The following SAP30BP variants were observed in gnomAD, a reference collection of about 807,000 sequenced individuals.
SAP30BP encodes SAP30-binding protein.
A neutral mutation model predicts 46.3 loss-of-function variants in SAP30BP; 31 were observed. That is an observed-to-expected ratio of 0.67 (90% CI 0.50 to 0.90). SAP30BP has a LOEUF of 0.90. Among genes scored for constraint, SAP30BP ranks in the 40% least tolerant of loss-of-function variants. The probability of loss-of-function intolerance (pLI) is 0.00; values close to 1 mark genes in which losing one functional copy is unlikely to be tolerated. For synonymous variants in SAP30BP, 169 were observed against 144.2 expected (o/e 1.17, Z -1.23); for missense variants, 312 against 391.0 (o/e 0.80, Z 1.70).
At chr17:75,700,228 C>A in intron 5 of SAP30BP, 1 of 166,592 alleles carries the variant, frequency 6.0e-6, no homozygotes, top group Non-Finnish European at 1.3e-5. Flanking sequence ...GAGGAACCCT[C>A]AGAATGTAAA....
intron 3 of SAP30BP, among the ~76,000 whole-genome samples, chr17:75,675,686 G>A (rs999450550): frequency 5.9e-5 from 9 of 152,120 alleles, no homozygotes; most frequent in Non-Finnish European, 1.0e-4. Flanking sequence ...AGGCCGAGGT[G>A]GGCAGATTGG....
chr17:75,676,589 T>G (rs1367177696), intron 3 of SAP30BP, among the ~76,000 whole-genome samples: 1 of 152,212 alleles, frequency 6.6e-6, no homozygotes, highest in Non-Finnish European at 1.5e-5. Context: ...GATAACTAGT[T>G]TGTCATTATT....
At chr17:75,687,939 TGTGTGTGTGTGTGTGTGAGAGA>T (rs1374276341) in intron 3 of SAP30BP, among the ~76,000 whole-genome samples, 1 of 96,404 alleles carries the variant, frequency 1.0e-5, no homozygotes, top group East Asian at 3.4e-4. Context: ...TGTGTGTGTG[TGTGTGTGTGTGTGTGTGAGAGA>T]GACAGAGAGA....
intron 3 of SAP30BP, among the ~76,000 whole-genome samples, chr17:75,674,353 G>C (rs1164244234): frequency 2.6e-5 from 4 of 152,052 alleles, no homozygotes; most frequent in Non-Finnish European, 5.9e-5. Flanking sequence ...GGAGTGCAGT[G>C]CTGTGATCTC....
chr17:75,699,860 A>AAT lies in SAP30BP; in HGVS notation c.386_387dup (p.His130IlefsTer15). ...GCCAGAACCCCCTGGCAGATGTTCAAATCACTTGCAAGTAAGCATGAGACT... is the reference window on the plus strand; with the variant it reads ...GCCAGAACCCCCTGGCAGATGTTCAAATATCACTTGCAAGTAAGCATGAGACT... On this transcript the variant is annotated frameshift_variant, in exon 5 of 11. Transcript: ENST00000584667. LOFTEE classifies it high-confidence loss of function. 6.2e-7 allele frequency: 1 copy of AAT among 1,612,154 alleles called. No homozygotes were observed. The highest frequency in any genetic ancestry group is 8.5e-7 in the Non-Finnish European group (1 of 1,178,290).
chr17:75,699,633 C>G (rs1043013554), intron 4 of SAP30BP, 150 bp from the exon 5 acceptor site: 1 of 537,680 alleles, frequency 1.9e-6, no homozygotes, highest in South Asian at 2.4e-5. Flanking sequence ...CAGATGACAC[C>G]TCAGAGAGGC....
chr17:75,698,013 C>T (rs1568319360), intron 4 of SAP30BP, among the ~76,000 whole-genome samples: 1 of 152,224 alleles, frequency 6.6e-6, no homozygotes, highest in Non-Finnish European at 1.5e-5. Context: ...TTCTCTTCAT[C>T]CTGCCCCACC....
intron 4 of SAP30BP, among the ~76,000 whole-genome samples, chr17:75,694,409 G>T (rs956261575): frequency 1.3e-5 from 2 of 152,250 alleles, no homozygotes; most frequent in African/African-American, 4.8e-5. Flanking sequence ...GAAGGATTGG[G>T]TGGGAACACG....
chr17:75,694,083 C>T (rs1599148756), intron 4 of SAP30BP, among the ~76,000 whole-genome samples: 1 of 152,190 alleles, frequency 6.6e-6, no homozygotes, highest in East Asian at 1.9e-4. Context: ...GGGGGCAGTT[C>T]CCGGCATCTG....
intron 3 of SAP30BP, chr17:75,679,536 G>A (rs2060044243): frequency 6.6e-6 from 1 of 152,198 alleles, no homozygotes; most frequent in Admixed American, 6.5e-5. Flanking sequence ...AGAGTCCCAT[G>A]TTTGGGAGCG....
chr17:75,706,374 T>C lies in SAP30BP; in HGVS notation c.780T>C (p.Ala260=). The change falls in exon 11 of 11, where the codon GCT becomes GCC. Residue 260 remains alanine (A), a synonymous_variant. Transcript: ENST00000584667. The surrounding 1 kb of genome is among the most constrained non-coding windows in gnomAD (Gnocchi z 4.6). ...AGAGAAAGAGCAAGTGGGATTCGGC[T>C]ATCCCAGTGACAACGATAGCCCAGC... The part of the protein sequence containing the change: ...AQKRKSKWDS[A]IPVTTIAQPT... 1.2e-6 allele frequency: 2 copies of C among 1,613,960 alleles called. No individual in the cohort carries two copies. The highest frequency in any genetic ancestry group is 1.7e-6 in the Non-Finnish European group (2 of 1,180,000).
chr17:75,702,454 C>T lies in SAP30BP; in HGVS notation c.397-26C>T, dbSNP rs1237562860. 5 of 1,115,416 alleles carry T rather than the reference C, an allele frequency of 4.5e-6. No homozygotes were observed. The African/African-American group carries it at 4.6e-5, about 10-fold the overall frequency. 69.1% of individuals were successfully genotyped at this position (1,115,416 alleles called of 1,614,324 possible). On this transcript the variant is annotated intron_variant, in intron 5 of 10. Coordinates refer to ENST00000584667, the MANE Select transcript of SAP30BP (RefSeq NM_013260.8). Reference sequence around the variant, plus strand: ...GGGGTGGGCTTCTGTCATACACCCCCCCACCCCCTCTGCTCCTCTTCACAG... The same window carrying T: ...GGGGTGGGCTTCTGTCATACACCCCTCCACCCCCTCTGCTCCTCTTCACAG...
At chr17:75,697,154 T>C (rs1024006902) in intron 4 of SAP30BP, among the ~76,000 whole-genome samples, 1 of 152,170 alleles carries the variant, frequency 6.6e-6, no homozygotes, top group Non-Finnish European at 1.5e-5. Flanking sequence ...ACCCTGTTTT[T>C]CCAAAGGCTT....
At chr17:75,677,024 C>A (rs1432441575) in intron 3 of SAP30BP, among the ~76,000 whole-genome samples, 1 of 151,172 alleles carries the variant, frequency 6.6e-6, no homozygotes, top group African/African-American at 2.4e-5. Context: ...CCTCTCATGT[C>A]ATTGCCCAAA....
intron 8 of SAP30BP, 43 bp downstream of exon 8, chr17:75,703,902 C>A: frequency 7.2e-7 from 1 of 1,384,378 alleles, no homozygotes; most frequent in Non-Finnish European, 1.0e-6. Context: ...TCCGCCCACC[C>A]GACTGTCCCT....
At chr17:75,679,748 T>A (rs967846278) in intron 3 of SAP30BP, 5 of 152,300 alleles carry the variant, frequency 3.3e-5, no homozygotes, top group Non-Finnish European at 7.3e-5. Flanking sequence ...ACTTCAAGTT[T>A]CTGATCTTGT....
intron 6 of SAP30BP, 32 bp downstream of exon 6, chr17:75,702,603 G>T (rs777818646): frequency 2.7e-6 from 3 of 1,110,132 alleles, no homozygotes; most frequent in Non-Finnish European, 2.7e-6. Flanking sequence ...AGAGTTTATT[G>T]AGTTATTAAT....
chr17:75,689,165 T>G (rs1202750030), intron 3 of SAP30BP, among the ~76,000 whole-genome samples: 2 of 151,656 alleles, frequency 1.3e-5, no homozygotes, highest in Non-Finnish European at 2.9e-5. Flanking sequence ...CTTTTTTTTT[T>G]TTTTTTGGAG....
At chr17:75,703,135 T>C (rs1239915743) in intron 6 of SAP30BP, 176 bp from the exon 7 acceptor site, 9 of 613,656 alleles carry the variant, frequency 1.5e-5, no homozygotes, top group Non-Finnish European at 2.6e-5. Flanking sequence ...TCCCGGCCCC[T>C]AGCTAACAGG....
Sources: gnomAD v4.1 joint callset for allele counts (sites outside exome capture counted in the v4.1 genomes callset) on GRCh38, gnomAD v4.1.1 for gene constraint, Gnocchi (gnomAD v3.1) non-coding constraint, MANE v1.5 for transcripts, NCBI Gene and HGNC (gene_info 2026-07-23, HGNC 2026-07-21) for gene names.